The following HERC1 variants were observed in gnomAD, a reference collection of about 807,000 sequenced individuals.
HERC1 encodes probable E3 ubiquitin-protein ligase HERC1.
In HERC1, 160 loss-of-function variants were observed where a neutral mutation model predicts 554.3. That is an observed-to-expected ratio of 0.29 (90% CI 0.25 to 0.33). HERC1 has a LOEUF of 0.33. Among genes scored for constraint, HERC1 ranks in the 10% least tolerant of loss-of-function variants. HERC1 has a pLI of 1.00. For missense variants in HERC1, 4,919 were observed against 5,918.5 expected, an observed-to-expected ratio of 0.83 and a Z score of 5.54; for synonymous variants, 2,175 against 2,131.7, an observed-to-expected ratio of 1.02 and a Z score of -0.56.
chr15:63,660,442 A>G (rs192319994), intron 46 of HERC1, among the ~76,000 whole-genome samples: 19 of 152,294 alleles, frequency 1.2e-4, no homozygotes, highest in South Asian at 2.1e-4. Flanking sequence ...ACCAAACTGC[A>G]CTCCTGAAGC....
At chr15:63,644,935 CTGA>C (rs1378200057) in intron 57 of HERC1, 54 bp downstream of exon 57, 1 of 1,287,818 alleles carries the variant, frequency 7.8e-7, no homozygotes, top group African/African-American at 1.5e-5. Context: ...GAGAATGACT[CTGA>C]TGTCATATAC....
chr15:63,796,026 G>A (rs749112100), intron 1 of HERC1, among the ~76,000 whole-genome samples: 1 of 152,214 alleles, frequency 6.6e-6, no homozygotes, highest in South Asian at 2.1e-4. Flanking sequence ...TGGGAGCTAA[G>A]AACATAAAGT....
In HERC1 at chr15:63,733,807, G is replaced by A. The variant is rs573996014; in HGVS notation, c.2647-662C>T. On this transcript the variant is annotated intron_variant, in intron 13 of 77. Coordinates refer to ENST00000443617, the MANE Select transcript of HERC1 (RefSeq NM_003922.4). ...GTTGAGGCTACAGTAAGCCATGATC[G>A]TGCCACTGCACTCCAGCCTGGATGA... 3.9e-5 allele frequency among the ~76,000 whole-genome samples: 6 copies of A among 152,118 alleles called. No homozygotes were observed. The South Asian group carries it at 1.0e-3, about 26-fold the overall frequency.
At position 63,747,836 on chromosome 15, in the gene HERC1, G is replaced by A. The variant is rs1199269581; in HGVS notation, c.2242C>T (p.Pro748Ser). 7 of 1,549,004 alleles carry A rather than the reference G, an allele frequency of 4.5e-6. No individual in the cohort carries two copies. Among genetic ancestry groups the A allele is most frequent in the Non-Finnish European group, 6.1e-6 (7 of 1,145,250 alleles). Residue 748 changes from proline to serine, a missense_variant, in exon 11 of 78, where the codon CCT becomes TCT. By Grantham distance (74) the Pro-to-Ser change is moderately conservative (BLOSUM62 -1). Transcript: ENST00000443617. ...RDRQVVAWHR[P>S]YCVDLEESTF... is the part of the protein sequence containing the mutation. ...CTCTCTTCAAGATCTACACAATAAG[G>A]TCGGTGCCATGCAACAACTTGTCTA...
At chr15:63,722,935 A>G (rs1455904398) in intron 19 of HERC1, among the ~76,000 whole-genome samples, 2 of 152,142 alleles carry the variant, frequency 1.3e-5, no homozygotes, top group African/African-American at 4.8e-5. Flanking sequence ...TAAAATGATT[A>G]CCTATAAATG....
chr15:63,722,061 T>C (rs140236384), intron 19 of HERC1, among the ~76,000 whole-genome samples: 4,327 of 152,216 alleles, frequency 0.028, 221 homozygotes, highest in African/African-American at 0.1. Flanking sequence ...GACAGGGTTT[T>C]GCCATGTTGG....
In HERC1 at chr15:63,609,152, A is replaced by G. The variant is rs1211781113; in HGVS notation, c.14515T>C (p.Ser4839Pro). 6.2e-7 allele frequency: 1 copy of G among 1,613,924 alleles called. No homozygotes were observed. The highest frequency in any genetic ancestry group is 1.1e-5 in the South Asian group (1 of 91,036). ...RLRYAINNCRSIDMDNYMLSR... is the reference protein window; with the variant it reads ...RLRYAINNCRPIDMDNYMLSR... ...AGCATGTAGTTGTCCATGTCGATTGAGCGGCAGTTGTTGATGGCATAGCGC... is the reference window on the plus strand; with the variant it reads ...AGCATGTAGTTGTCCATGTCGATTGGGCGGCAGTTGTTGATGGCATAGCGC... Residue 4839 changes from serine (S) to proline (P), a missense_variant, in exon 78 of 78, where the codon TCA (serine) becomes CCA (proline). This residue lies in a region of HERC1 where 71 missense variants were observed against 101.4 expected (regional missense o/e 0.70). Transcript: ENST00000443617.
At chr15:63,751,099 AT>A (rs2075227599) in intron 8 of HERC1, among the ~76,000 whole-genome samples, 1 of 152,148 alleles carries the variant, frequency 6.6e-6, no homozygotes, top group Non-Finnish European at 1.5e-5. Flanking sequence ...ATCACAGAAG[AT>A]TTCCTAAATC....
At chr15:63,616,729 A>G in intron 74 of HERC1, 47 bp from the exon 75 acceptor site, 1 of 1,569,492 alleles carries the variant, frequency 6.4e-7, no homozygotes, top group African/African-American at 1.4e-5. Context: ...CCTTATTTCT[A>G]TTAGAAATAA....
At position 63,689,631 on chromosome 15, in the gene HERC1, ATGTTTGGCC is replaced by A. The variant is rs1481634156; in HGVS notation, c.5997_6005del (p.Gln1999_Lys2001del). The A allele has an allele frequency of 1.3e-6, 2 of 1,584,236 alleles. No individual in the cohort carries two copies. The highest frequency in any genetic ancestry group is 2.7e-5 in the African/African-American group (2 of 74,290). ...GTTCTTTTTCCTTTATCTGAATAGC[ATGTTTGGCC>A]TGAGCAATGGGTGTCTCCCACATAC... On this transcript the variant is annotated inframe_deletion, in exon 33 of 78. Coordinates refer to ENST00000443617, the MANE Select transcript of HERC1 (RefSeq NM_003922.4).
In HERC1 at chr15:63,665,910, G is replaced by T. The variant is rs748433902; in HGVS notation, c.8555+9C>A. The T allele has an allele frequency of 2.5e-6, 4 of 1,600,354 alleles. No homozygotes were observed. Among genetic ancestry groups the T allele is most frequent in the South Asian group, 1.1e-5 (1 of 90,636 alleles). ...ACATGGAACAAAAGTACAGAAACTGGAATTTCACCTTTCACTAAAACCTTC... is the reference window on the plus strand; with the variant it reads ...ACATGGAACAAAAGTACAGAAACTGTAATTTCACCTTTCACTAAAACCTTC... On this transcript the variant is annotated intron_variant, in intron 42 of 77. Coordinates refer to ENST00000443617, the MANE Select transcript of HERC1 (RefSeq NM_003922.4).
chr15:63,709,895 G>A (rs942127342), intron 24 of HERC1, among the ~76,000 whole-genome samples: 2 of 152,230 alleles, frequency 1.3e-5, no homozygotes, highest in Non-Finnish European at 2.9e-5. Context: ...GGACAACTGG[G>A]AGAGTAAGGT....
intron 26 of HERC1, 67 bp downstream of exon 26, chr15:63,698,661 C>G (rs1165463021): frequency 2.7e-6 from 4 of 1,472,532 alleles, no homozygotes; most frequent in Non-Finnish European, 2.8e-6. Flanking sequence ...TTCCCTAGAA[C>G]TATACATTCA....
Position 63,636,118 on chromosome 15 carries a change from G to C in HERC1, c.12257C>G (p.Thr4086Ser). 2 of 1,613,826 alleles carry C rather than the reference G, an allele frequency of 1.2e-6. No homozygotes were observed. The highest frequency in any genetic ancestry group is 1.7e-6 in the Non-Finnish European group (2 of 1,179,854). Residue 4086 changes from threonine to serine, a missense_variant, in exon 65 of 78, where the codon ACT becomes AGT. Around this residue, in one of 11 missense-constraint regions of HERC1, gnomAD observed 122 missense variants for 195.2 expected, o/e 0.63. Transcript: ENST00000443617. ...AGAGTGCCCATCAGAACCACAGGAA[G>C]TCACCAGCTGGGTCACCACAAAGCC... ...LQGFVVTQLV[T>S]SCGSDGHSMA...
At chr15:63,689,505 C>G (rs2071981953) in intron 33 of HERC1, 84 bp downstream of exon 33, 1 of 680,326 alleles carries the variant, frequency 1.5e-6, no homozygotes, top group East Asian at 2.9e-5. Flanking sequence ...GAGCAAGGTG[C>G]CTCAGAGGAA....
intron 10 of HERC1, among the ~76,000 whole-genome samples, chr15:63,748,961 CAAAAAAAAAA>C (rs11353871): frequency 1.5e-5 from 2 of 137,878 alleles, no homozygotes; most frequent in Non-Finnish European, 3.2e-5. Flanking sequence ...ATTTTTTTTC[CAAAAAAAAAA>C]AAAAATTCAA....
chr15:63,721,315 C>T lies in HERC1; in HGVS notation c.3742+1867G>A, dbSNP rs142611494. Among the ~76,000 whole-genome samples the T allele has an allele frequency of 7.5e-3, 1,136 of 152,152 alleles. 15 individuals carry two copies. Among genetic ancestry groups the T allele is most frequent in the African/African-American group, 0.026 (1,094 of 41,526 alleles). ...GAGGCGGATGGATCACCTGAGGTCACGAGTTCGAGACCAGCCATGGCCAAC... is the reference window on the plus strand; with the variant it reads ...GAGGCGGATGGATCACCTGAGGTCATGAGTTCGAGACCAGCCATGGCCAAC... On this transcript the variant is annotated intron_variant, in intron 19 of 77. Transcript: ENST00000443617.
At chr15:63,722,576 G>T (rs1279854119) in intron 19 of HERC1, among the ~76,000 whole-genome samples, 1 of 152,172 alleles carries the variant, frequency 6.6e-6, no homozygotes, top group Non-Finnish European at 1.5e-5. Flanking sequence ...CTTCTGAGTA[G>T]TATGATGAAA....
chr15:63,714,545 GTTTTTTTTTTT>G (rs773905620), intron 22 of HERC1, among the ~76,000 whole-genome samples: 1 of 95,830 alleles, frequency 1.0e-5, no homozygotes, highest in Non-Finnish European at 2.0e-5. Flanking sequence ...TCCTTTTTCT[GTTTTTTTTTTT>G]TTTTTTTTTT....
Sources: allele counts gnomAD v4.1 joint callset (sites outside exome capture counted in the v4.1 genomes callset), GRCh38; gene constraint gnomAD v4.1.1; regional missense constraint gnomAD v4.1.1; transcripts MANE v1.5; gene names NCBI Gene and HGNC (gene_info 2026-07-23, HGNC 2026-07-21).